The following SNTG2 variants were observed in gnomAD, a reference collection of about 807,000 sequenced individuals.
The protein encoded by SNTG2 is gamma-2-syntrophin.
SNTG2 carries 74 observed loss-of-function variants against 70.9 expected under a neutral mutation model. The observed-to-expected ratio is 1.04, with a 90% CI of 0.86 to 1.27. The LOEUF is 1.27. Ranked by LOEUF, SNTG2 falls within the 50% of genes most tolerant of loss-of-function variation. The probability of loss-of-function intolerance (pLI) is 0.00; values close to 1 mark genes in which losing one functional copy is unlikely to be tolerated. For synonymous variants in SNTG2, 278 were observed against 273.8 expected, an observed-to-expected ratio of 1.02 and a Z score of -0.15; for missense variants, 717 against 690.7, an observed-to-expected ratio of 1.04 and a Z score of -0.43.
chr2:1,022,988 T>TGA (rs1572238644), intron 1 of SNTG2, among the ~76,000 whole-genome samples: 1 of 152,234 alleles, frequency 6.6e-6, no homozygotes, highest in South Asian at 2.1e-4. Flanking sequence ...TAGGAGGATG[T>TGA]GAGACTGGCA....
At chr2:1,258,423 A>T (rs962861978) in intron 12 of SNTG2, among the ~76,000 whole-genome samples, 2 of 152,228 alleles carry the variant, frequency 1.3e-5, no homozygotes, top group East Asian at 3.8e-4. Flanking sequence ...CAAAATCACA[A>T]TTGCAATGAG....
At position 1,005,752 on chromosome 2, in the gene SNTG2, C is replaced by T. The variant is rs541944707; in HGVS notation, c.72+54684C>T. On this transcript the variant is annotated intron_variant, in intron 1 of 16. Transcript: ENST00000308624. ...CTGGGAGGCGGAGGTTGCAGTGAGCCGAGATTGCACCATTGCACTCCAGCC... is the reference window on the plus strand; with the variant it reads ...CTGGGAGGCGGAGGTTGCAGTGAGCTGAGATTGCACCATTGCACTCCAGCC... Among the ~76,000 whole-genome samples the T allele has an allele frequency of 5.9e-5, 8 of 135,494 alleles. No individual in the cohort carries two copies. The East Asian group carries it at 7.3e-4, about 12-fold the overall frequency. The allele number at this position is 135,494 out of a possible 152,430, so 88.9% of individuals were successfully genotyped here. A position where few individuals can be genotyped will look rare whatever the true frequency, so the allele number is the denominator to read the frequency against.
At chr2:1,223,835 G>A (rs1269439906) in intron 9 of SNTG2, among the ~76,000 whole-genome samples, 2 of 150,530 alleles carry the variant, frequency 1.3e-5, no homozygotes, top group African/African-American at 5.0e-5. Context: ...CCACAGATGG[G>A]TGACCTTAGT....
intron 8 of SNTG2, among the ~76,000 whole-genome samples, chr2:1,191,359 G>A (rs1465018983): frequency 1.3e-5 from 2 of 152,114 alleles, no homozygotes; most frequent in African/African-American, 4.8e-5. Context: ...TCTTAAAGCA[G>A]TCCCCCAGAT....
At position 1,038,971 on chromosome 2, in the gene SNTG2, T is replaced by C. The variant is rs1407352162; in HGVS notation, c.73-44547T>C. Among the ~76,000 whole-genome samples the C allele has an allele frequency of 2.6e-5, 4 of 152,360 alleles. No homozygotes were observed. In the East Asian group the frequency reaches 7.7e-4, roughly 29 times the overall value. On this transcript the variant is annotated intron_variant, in intron 1 of 16. Transcript: ENST00000308624. Reference sequence around the variant, plus strand: ...CTTTTTTATAAGAACAACATCTTTATTGAAAAACATGCATCTTGGCCACAT... The same window carrying C: ...CTTTTTTATAAGAACAACATCTTTACTGAAAAACATGCATCTTGGCCACAT...
chr2:1,163,922 A>G (rs1446136852), intron 6 of SNTG2, among the ~76,000 whole-genome samples: 1 of 152,194 alleles, frequency 6.6e-6, no homozygotes, highest in Non-Finnish European at 1.5e-5. Flanking sequence ...ATCTCAGGCC[A>G]TGGGAACTTT....
In SNTG2 at chr2:1,220,742, G is replaced by C. The variant is rs867670682; in HGVS notation, c.719+11512G>C. Among the ~76,000 whole-genome samples, 4 of 152,334 alleles carry C rather than the reference G, an allele frequency of 2.6e-5. No homozygotes were observed. The Middle Eastern group carries it at 0.01, about 389-fold the overall frequency. ...TCTGGCATGTGTCCTACTCTGATAAGGGCAGGGGCCACGTGTTTAAGATCT... is the reference window on the plus strand; with the variant it reads ...TCTGGCATGTGTCCTACTCTGATAACGGCAGGGGCCACGTGTTTAAGATCT... On this transcript the variant is annotated intron_variant, in intron 9 of 16. Transcript: ENST00000308624.
chr2:1,045,907 T>C (rs941634276), intron 1 of SNTG2, among the ~76,000 whole-genome samples: 1 of 152,172 alleles, frequency 6.6e-6, no homozygotes, highest in African/African-American at 2.4e-5. Flanking sequence ...GTGTTGAGTT[T>C]AAATCCTGAA....
chr2:1,042,097 C>A (rs4971329), intron 1 of SNTG2, among the ~76,000 whole-genome samples: 45,399 of 152,068 alleles, frequency 0.3, 7,120 homozygotes, highest in African/African-American at 0.37. Context: ...TATGATAGAA[C>A]TTGATTTCAC....
intron 8 of SNTG2, among the ~76,000 whole-genome samples, chr2:1,178,426 A>G (rs1011885637): frequency 3.9e-5 from 6 of 152,074 alleles, no homozygotes; most frequent in East Asian, 1.9e-4. Context: ...TCAGTATGAT[A>G]TTGGCTGTGG....
intron 13 of SNTG2, 31 bp from the exon 14 acceptor site, chr2:1,267,334 G>T (rs1463363313): frequency 2.1e-5 from 33 of 1,560,098 alleles, no homozygotes; most frequent in Non-Finnish European, 2.9e-5. Context: ...TTCCAGCGCT[G>T]CACGTTTCCA....
At position 1,353,538 on chromosome 2, in the gene SNTG2, C is replaced by A. The variant is rs1660692477; in HGVS notation, c.1489-13805C>A. The A allele has an allele frequency of 6.6e-6, 1 of 152,246 alleles. No individual in the cohort carries two copies. Among genetic ancestry groups the A allele is most frequent in the South Asian group, 2.1e-4 (1 of 4,834 alleles). 9.4% of individuals were successfully genotyped at this position (152,246 alleles called of 1,614,324 possible). A position where few individuals can be genotyped will look rare whatever the true frequency, so the allele number is the denominator to read the frequency against. Reference sequence around the variant, plus strand: ...TCAAGTCTTGCTTTGAGGGCCAAGTCCCCACAGCCACCTCCTTGAATTCAC... The same window carrying A: ...TCAAGTCTTGCTTTGAGGGCCAAGTACCCACAGCCACCTCCTTGAATTCAC... On this transcript the variant is annotated intron_variant, in intron 16 of 16. Coordinates refer to ENST00000308624, the MANE Select transcript of SNTG2 (RefSeq NM_018968.4). The surrounding 1 kb of genome is among the most constrained non-coding windows in gnomAD (Gnocchi z 4.2).
At position 1,247,422 on chromosome 2, in the gene SNTG2, C is replaced by G. The variant is rs778191908; in HGVS notation, c.984C>G (p.Phe328Leu). The G allele has an allele frequency of 9.3e-6, 15 of 1,613,582 alleles. No homozygotes were observed. Among genetic ancestry groups the G allele is most frequent in the Middle Eastern group, 1.6e-4 (1 of 6,062 alleles). Residue 328 changes from phenylalanine (F) to leucine (L), a missense_variant, in exon 12 of 17, where the codon TTC (phenylalanine) becomes TTG (leucine). By Grantham distance (22) the Phe-to-Leu change is conservative. Coordinates refer to ENST00000308624, the MANE Select transcript of SNTG2 (RefSeq NM_018968.4). ...TCCTAGCACTGAAGGGCCCGTCCTT[C>G]TACGTTTTCAGCACTCCTCCGGTAA... ...PKFLALKGPS[F>L]YVFSTPPVST...
chr2:1,264,477 G>A (rs747987115), intron 13 of SNTG2, among the ~76,000 whole-genome samples: 3 of 152,204 alleles, frequency 2.0e-5, no homozygotes, highest in South Asian at 2.1e-4. Context: ...GGACCCACAC[G>A]AAGTGCCACA....
intron 16 of SNTG2, among the ~76,000 whole-genome samples, chr2:1,320,867 GC>G (rs532755036): frequency 3.3e-5 from 5 of 152,120 alleles, no homozygotes; most frequent in South Asian, 2.1e-4. Flanking sequence ...ACCCAGGGAG[GC>G]CCCCCCATGT....
chr2:1,216,149 G>C (rs1674377764), intron 9 of SNTG2, among the ~76,000 whole-genome samples: 2 of 152,172 alleles, frequency 1.3e-5, no homozygotes, highest in African/African-American at 4.8e-5. Flanking sequence ...CACAATGGTT[G>C]AACTAGTTTA....
Position 1,209,127 on chromosome 2 carries a change from A to C in SNTG2, c.616A>C (p.Ile206Leu), listed in dbSNP as rs745625967. The part of the protein sequence containing the change: ...TTAPSSPSSP[I>L]AKDPRYEKRW... ...GGCCCCATCGTCACCTTCCTCGCCC[A>C]TAGCTAAGGACCCGAGGTATGAGAA... The change falls in exon 9 of 17, where the codon ATA (isoleucine) becomes CTA (leucine). Residue 206 changes from isoleucine to leucine, a missense_variant. Physicochemically the swap from Ile to Leu is conservative, Grantham distance 5. Transcript: ENST00000308624. 3.2e-5 allele frequency: 51 copies of C among 1,613,934 alleles called. No homozygotes were observed. In the East Asian group the frequency reaches 1.0e-3, roughly 33 times the overall value.
At chr2:1,104,777 G>A (rs529217470) in intron 4 of SNTG2, among the ~76,000 whole-genome samples, 9 of 152,222 alleles carry the variant, frequency 5.9e-5, no homozygotes, top group Non-Finnish European at 8.8e-5. Context: ...CTCACTGAAC[G>A]AGAAATCCGG....
intron 8 of SNTG2, among the ~76,000 whole-genome samples, chr2:1,175,627 C>A (rs1671423011): frequency 6.6e-6 from 1 of 152,182 alleles, no homozygotes; most frequent in Non-Finnish European, 1.5e-5. Flanking sequence ...CCTACAGAGT[C>A]TTTTTAAAAT....
Sources: gnomAD v4.1 joint callset for allele counts (sites outside exome capture counted in the v4.1 genomes callset) on GRCh38, gnomAD v4.1.1 for gene constraint, Gnocchi (gnomAD v3.1) non-coding constraint, MANE v1.5 for transcripts, NCBI Gene and HGNC (gene_info 2026-07-23, HGNC 2026-07-21) for gene names.